KCNN2: variants seen among roughly 807,000 people sequenced by gnomAD.
The protein encoded by KCNN2 is potassium calcium-activated channel subfamily N member 2.
Under a neutral mutation model 55.5 loss-of-function variants are expected in KCNN2, and 24 were observed. That is an observed-to-expected ratio of 0.43 (90% CI 0.31 to 0.61). The LOEUF (loss-of-function observed/expected upper bound fraction) is 0.61. KCNN2 is among the 20% of genes least tolerant of loss of function. The pLI, the probability that KCNN2 is intolerant of heterozygous loss-of-function variation, is 0.08. For synonymous variants in KCNN2, 431 were observed against 336.1 expected (o/e 1.28, Z -3.09); for missense variants, 754 against 853.6 (o/e 0.88, Z 1.45).
intron 3 of KCNN2, among the ~76,000 whole-genome samples, chr5:114,454,592 A>G (rs572003121): frequency 6.6e-6 from 1 of 152,316 alleles, no homozygotes; most frequent in Non-Finnish European, 1.5e-5. Context: ...GAAGTGAAGG[A>G]AAGAGACTAG....
intron 2 of KCNN2, among the ~76,000 whole-genome samples, chr5:114,384,313 A>G (rs1758213684): frequency 6.6e-6 from 1 of 152,260 alleles, no homozygotes; most frequent in Non-Finnish European, 1.5e-5. Context: ...GACTTGTAGA[A>G]CAATCTTTAT....
At chr5:114,251,762 C>T (rs920017683) in intron 2 of KCNN2, among the ~76,000 whole-genome samples, 8 of 149,630 alleles carry the variant, frequency 5.3e-5, no homozygotes, top group East Asian at 2.0e-4. Context: ...AGTGTAGATT[C>T]TTTTAATTCT....
chr5:114,386,915 A>C (rs1406062787), intron 2 of KCNN2, among the ~76,000 whole-genome samples: 1 of 152,112 alleles, frequency 6.6e-6, no homozygotes, highest in East Asian at 1.9e-4. Context: ...TTTGCTTTCT[A>C]CTGTCCTTAC....
intron 5 of KCNN2, 65 bp from the exon 6 acceptor site, chr5:114,486,985 C>T (rs1396131557): frequency 2.8e-5 from 44 of 1,578,764 alleles, no homozygotes; most frequent in Non-Finnish European, 3.6e-5. Flanking sequence ...GACTATGACC[C>T]CCAGCAAAGT....
intron 3 of KCNN2, among the ~76,000 whole-genome samples, chr5:114,435,736 A>G (rs1394251832): frequency 6.6e-6 from 1 of 152,174 alleles, no homozygotes; most frequent in Non-Finnish European, 1.5e-5. Context: ...ATTCTACATC[A>G]TGAGTAAATG....
At chr5:114,163,419 T>C (rs1457279900) in intron 1 of KCNN2, among the ~76,000 whole-genome samples, 1 of 152,190 alleles carries the variant, frequency 6.6e-6, no homozygotes, top group Non-Finnish European at 1.5e-5. Context: ...ATATTGGCTG[T>C]GGGTTAGTTA....
intron 2 of KCNN2, among the ~76,000 whole-genome samples, chr5:114,367,506 A>G (rs374199323): frequency 2.0e-5 from 3 of 152,234 alleles, no homozygotes; most frequent in African/African-American, 7.2e-5. Flanking sequence ...ATGCCTATGT[A>G]TCATGACCTT....
intron 2 of KCNN2, among the ~76,000 whole-genome samples, chr5:114,291,929 G>C (rs376854317): frequency 0.32 from 47,738 of 151,210 alleles, 7,625 homozygotes; most frequent in African/African-American, 0.34. Flanking sequence ...ATTTGCATTT[G>C]TCTGATGGCC....
chr5:114,352,042 G>A (rs569689079), intron 2 of KCNN2, among the ~76,000 whole-genome samples: 3 of 151,774 alleles, frequency 2.0e-5, no homozygotes, highest in African/African-American at 4.8e-5. Flanking sequence ...ATTCACCAGC[G>A]AAGCCAACAG....
intron 1 of KCNN2, among the ~76,000 whole-genome samples, chr5:114,218,375 G>A (rs1045506707): frequency 6.6e-6 from 1 of 152,080 alleles, no homozygotes; most frequent in African/African-American, 2.4e-5. Context: ...AATAAACTAT[G>A]GTATATCCAG....
intron 3 of KCNN2, among the ~76,000 whole-genome samples, chr5:114,442,597 C>A (rs1490043073): frequency 1.3e-5 from 2 of 152,090 alleles, no homozygotes; most frequent in African/African-American, 2.4e-5. Context: ...TCTATGAATA[C>A]CTCCTTTTTG....
intron 2 of KCNN2, among the ~76,000 whole-genome samples, chr5:114,240,381 T>A (rs1026310740): frequency 4.0e-5 from 6 of 151,442 alleles, no homozygotes; most frequent in Admixed American, 2.0e-4. Flanking sequence ...AATCTACTGT[T>A]AATATTATAT....
chr5:114,156,275 G>C (rs1752633162), intron 1 of KCNN2, among the ~76,000 whole-genome samples: 1 of 152,092 alleles, frequency 6.6e-6, no homozygotes, highest in Non-Finnish European at 1.5e-5. Flanking sequence ...TGCTGTTTTG[G>C]TTACTGTAGC....
chr5:114,097,539 G>A (rs1233819881), intron 1 of KCNN2, among the ~76,000 whole-genome samples: 1 of 152,128 alleles, frequency 6.6e-6, no homozygotes, highest in Non-Finnish European at 1.5e-5. Context: ...CCCTGGCTGA[G>A]TGTCAAAATA....
intron 1 of KCNN2, among the ~76,000 whole-genome samples, chr5:114,209,976 G>A (rs1465116124): frequency 2.6e-5 from 4 of 152,064 alleles, no homozygotes; most frequent in African/African-American, 9.7e-5. Flanking sequence ...GACAGGTGGA[G>A]AGCAGCAAAA....
At chr5:114,214,080 T>G (rs1034756490) in intron 1 of KCNN2, among the ~76,000 whole-genome samples, 1 of 152,038 alleles carries the variant, frequency 6.6e-6, no homozygotes, top group Non-Finnish European at 1.5e-5. Context: ...GAGAAAGTCC[T>G]AAATACATAA....
chr5:114,163,433 A>G (rs1752838700), intron 1 of KCNN2, among the ~76,000 whole-genome samples: 1 of 152,140 alleles, frequency 6.6e-6, no homozygotes, highest in Admixed American at 6.5e-5. Flanking sequence ...TTAGTTATAT[A>G]TGGCTGTTAT....
intron 1 of KCNN2, among the ~76,000 whole-genome samples, chr5:114,208,514 C>A (rs962377801): frequency 1.3e-5 from 2 of 152,116 alleles, no homozygotes; most frequent in African/African-American, 4.8e-5. Context: ...ATCTATCAAC[C>A]CATCTGTCTT....
At chr5:114,305,314 G>A (rs1756245613) in intron 2 of KCNN2, among the ~76,000 whole-genome samples, 1 of 152,214 alleles carries the variant, frequency 6.6e-6, no homozygotes, top group Non-Finnish European at 1.5e-5. Context: ...TGAACAAACA[G>A]GAGATACCTC....
Sources: gnomAD v4.1 joint callset for allele counts (sites outside exome capture counted in the v4.1 genomes callset) on GRCh38, gnomAD v4.1.1 for gene constraint, MANE v1.5 for transcripts, NCBI Gene and HGNC (gene_info 2026-07-23, HGNC 2026-07-21) for gene names.